The following RYR2 variants were observed in gnomAD, a reference collection of about 807,000 sequenced individuals.
RYR2 encodes the protein cardiac muscle ryanodine receptor-calcium release channel.
Under a neutral mutation model 601.1 loss-of-function variants are expected in RYR2, and 227 were observed. The observed-to-expected ratio is 0.38, with a 90% CI of 0.34 to 0.42. The LOEUF (loss-of-function observed/expected upper bound fraction) is 0.42. Ranked by LOEUF, RYR2 falls within the 10% of genes least tolerant of loss-of-function variation. The pLI is 1.00. For missense variants in RYR2, 4,646 were observed against 6,156.5 expected, an observed-to-expected ratio of 0.75 and a Z score of 8.21; for synonymous variants, 2,223 against 2,175.1, an observed-to-expected ratio of 1.02 and a Z score of -0.61.
intron 41 of RYR2, 131 bp downstream of exon 41, chr1:237,628,211 T>C: frequency 9.1e-7 from 1 of 1,099,286 alleles, no homozygotes; most frequent in African/African-American, 1.6e-5. Flanking sequence ...CTAAATAGCT[T>C]TTCTTTTTTT....
At chr1:237,309,707 A>G (rs12124564) in intron 2 of RYR2, among the ~76,000 whole-genome samples, 68,642 of 151,838 alleles carry the variant, frequency 0.45, 16,473 homozygotes, top group African/African-American at 0.61. Flanking sequence ...AGGCTCGGAC[A>G]CGCAGGAGCC....
At chr1:237,215,570 T>C (rs1303983822) in intron 1 of RYR2, among the ~76,000 whole-genome samples, 3 of 152,228 alleles carry the variant, frequency 2.0e-5, no homozygotes, top group Non-Finnish European at 4.4e-5. Flanking sequence ...TTTAAACTTA[T>C]CAAAATACTT....
At chr1:237,735,431 A>C (rs566005582) in intron 79 of RYR2, among the ~76,000 whole-genome samples, 4 of 152,316 alleles carry the variant, frequency 2.6e-5, no homozygotes, top group African/African-American at 4.8e-5. Context: ...CTAAGCACAC[A>C]TATATTCTGG....
At chr1:237,727,243 T>G (rs767399785) in intron 76 of RYR2, 44 bp downstream of exon 76, 2 of 930,570 alleles carry the variant, frequency 2.1e-6, no homozygotes, top group Middle Eastern at 2.3e-4. Flanking sequence ...TGTTATTTTT[T>G]CCTAGTAAGT....
At chr1:237,294,172 G>T (rs1692516192) in intron 2 of RYR2, among the ~76,000 whole-genome samples, 1 of 152,208 alleles carries the variant, frequency 6.6e-6, no homozygotes, top group Non-Finnish European at 1.5e-5. Context: ...CTTCTGTCGA[G>T]AAGGATATTA....
At chr1:237,623,013 G>C (rs967932210) in intron 38 of RYR2, among the ~76,000 whole-genome samples, 22 of 152,142 alleles carry the variant, frequency 1.4e-4, no homozygotes, top group Non-Finnish European at 2.6e-4. Flanking sequence ...ATTTGTGTCT[G>C]TGTTCTTCTC....
chr1:237,448,690 T>C (rs1395734881), intron 14 of RYR2, among the ~76,000 whole-genome samples: 1 of 152,106 alleles, frequency 6.6e-6, no homozygotes, highest in African/African-American at 2.4e-5. Context: ...GTTTAGGATT[T>C]TGTTCTTTTG....
chr1:237,489,575 T>A (rs1663093815), intron 17 of RYR2, among the ~76,000 whole-genome samples: 1 of 152,158 alleles, frequency 6.6e-6, no homozygotes, highest in South Asian at 2.1e-4. Context: ...GAGAGTTGCT[T>A]GAACCCGGGT....
chr1:237,429,841 A>G (rs2150091687), intron 12 of RYR2, among the ~76,000 whole-genome samples: 1 of 152,252 alleles, frequency 6.6e-6, no homozygotes, highest in Admixed American at 6.5e-5. Flanking sequence ...CTTGTAGGTA[A>G]AAATATACGT....
intron 74 of RYR2, among the ~76,000 whole-genome samples, chr1:237,723,831 CCTACT>C (rs1689956915): frequency 6.6e-6 from 1 of 151,838 alleles, no homozygotes; most frequent in Non-Finnish European, 1.5e-5. Flanking sequence ...TCAGTTGTGT[CCTACT>C]TTACACTACA....
intron 101 of RYR2, among the ~76,000 whole-genome samples, chr1:237,827,223 A>G (rs1220267827): frequency 6.6e-6 from 1 of 152,218 alleles, no homozygotes; most frequent in Non-Finnish European, 1.5e-5. Context: ...AACTTCGAAG[A>G]AAGTGTGAAG....
intron 56 of RYR2, among the ~76,000 whole-genome samples, 169 bp downstream of exon 56, chr1:237,661,116 G>C (rs1683749667): frequency 1.3e-5 from 2 of 152,136 alleles, no homozygotes; most frequent in African/African-American, 4.8e-5. Context: ...TTTCAAAGGA[G>C]GTTAAATGAT....
At chr1:237,089,332 C>T (rs1017596845) in intron 1 of RYR2, among the ~76,000 whole-genome samples, 9 of 152,156 alleles carry the variant, frequency 5.9e-5, no homozygotes, top group Admixed American at 5.9e-4. Context: ...AATGCATTTC[C>T]AACTAAGATA....
At chr1:237,200,959 G>T (rs1681125148) in intron 1 of RYR2, among the ~76,000 whole-genome samples, 1 of 152,176 alleles carries the variant, frequency 6.6e-6, no homozygotes, top group Non-Finnish European at 1.5e-5. Flanking sequence ...TCAGGAAACT[G>T]ACTCCATCAG....
rs772576791 is a variant in RYR2, at chr1:237,830,580, A to C, written c.14706A>C (p.Pro4902=). Residue 4902 remains proline (P), a synonymous_variant, in exon 103 of 105, where the codon CCA becomes CCC. Transcript: ENST00000366574. ...GIGNDYFDTV[P]HGFETHTLQE... ...GCAATGATTACTTCGACACAGTGCC[A>C]CATGGCTTTGAAACCCACACTTTAC... 1 of 1,612,598 alleles carries C rather than the reference A, an allele frequency of 6.2e-7. No homozygotes were observed. The highest frequency in any genetic ancestry group is 1.7e-5 in the Admixed American group (1 of 60,014).
chr1:237,385,806 A>G (rs1167634363), intron 8 of RYR2, among the ~76,000 whole-genome samples: 3 of 152,218 alleles, frequency 2.0e-5, no homozygotes, highest in Non-Finnish European at 4.4e-5. Context: ...GCTTCTCCAC[A>G]TACGTGTTTA....
chr1:237,732,212 A>G (rs1285646407), intron 78 of RYR2, 63 bp downstream of exon 78: 1 of 926,122 alleles, frequency 1.1e-6, no homozygotes, highest in Non-Finnish European at 1.7e-6. Flanking sequence ...GTGTCTGAGT[A>G]TTCTGTGCCA....
In RYR2 at chr1:237,784,990, C is replaced by T. The variant is rs375984472; in HGVS notation, c.13260+18C>T. On this transcript the variant is annotated intron_variant, in intron 90 of 104. Transcript: ENST00000366574. The surrounding 1 kb of genome is among the most constrained non-coding windows in gnomAD (Gnocchi z 7.1). ...AATTTCAGGTAATTTATCTCTAAGT[C>T]ACAGCAGCATTCTCTCTGGACTTCA... The T allele has an allele frequency of 3.3e-6, 5 of 1,516,892 alleles. No individual in the cohort carries two copies. Among genetic ancestry groups the T allele is most frequent in the Admixed American group, 3.9e-5 (2 of 51,702 alleles). 94.0% of individuals were successfully genotyped at this position (1,516,892 alleles called of 1,614,324 possible). A position where few individuals can be genotyped will look rare whatever the true frequency, so the allele number is the denominator to read the frequency against.
intron 79 of RYR2, among the ~76,000 whole-genome samples, chr1:237,736,388 G>T (rs1489462607): frequency 6.6e-6 from 1 of 151,170 alleles, no homozygotes; most frequent in Admixed American, 6.6e-5. Flanking sequence ...TTGAATCTGG[G>T]AGGCGGAAAG....
Sources: gnomAD v4.1 joint callset for allele counts (sites outside exome capture counted in the v4.1 genomes callset) on GRCh38, gnomAD v4.1.1 for gene constraint, Gnocchi (gnomAD v3.1) non-coding constraint, MANE v1.5 for transcripts, NCBI Gene and HGNC (gene_info 2026-07-23, HGNC 2026-07-21) for gene names.